The following IL1R1 variants were observed in gnomAD, a reference collection of about 807,000 sequenced individuals.
IL1R1 encodes interleukin 1 receptor type 1, also known as interleukin-1 receptor type 1.
IL1R1 carries 22 observed loss-of-function variants against 50.2 expected under a neutral mutation model. The ratio of observed to expected loss-of-function variants is 0.44; its 90% CI spans 0.31 to 0.63. The LOEUF is 0.63. Among genes scored for constraint, IL1R1 ranks in the 20% least tolerant of loss-of-function variants. The pLI is 0.07. For missense variants in IL1R1, 509 were observed against 676.2 expected (o/e 0.75, Z 2.74); for synonymous variants, 251 against 236.7 (o/e 1.06, Z -0.55).
intron 1 of IL1R1, among the ~76,000 whole-genome samples, chr2:102,121,754 A>G (rs1681420150): frequency 6.6e-6 from 1 of 152,164 alleles, no homozygotes; most frequent in East Asian, 1.9e-4. Flanking sequence ...TGAAATTAGG[A>G]TGCATCTTGC....
intron 6 of IL1R1, among the ~76,000 whole-genome samples, chr2:102,168,271 C>T (rs1481928925): frequency 6.6e-6 from 1 of 152,140 alleles, no homozygotes; most frequent in Non-Finnish European, 1.5e-5. Context: ...AGTGACTTTC[C>T]ACTACTCTCG....
intron 1 of IL1R1, among the ~76,000 whole-genome samples, chr2:102,115,512 A>G (rs1364278278): frequency 6.6e-6 from 1 of 152,234 alleles, no homozygotes; most frequent in African/African-American, 2.4e-5. Flanking sequence ...TTTTAAGCTT[A>G]TTAACTGAAC....
At chr2:102,093,988 C>T (rs1180191477) in intron 1 of IL1R1, among the ~76,000 whole-genome samples, 4 of 152,212 alleles carry the variant, frequency 2.6e-5, no homozygotes, top group Non-Finnish European at 5.9e-5. Context: ...AGAAATACAC[C>T]ATGATCTGCC....
intron 1 of IL1R1, among the ~76,000 whole-genome samples, chr2:102,127,560 C>T (rs1681784280): frequency 6.6e-6 from 1 of 151,822 alleles, no homozygotes; most frequent in Non-Finnish European, 1.5e-5. Context: ...AGTTAATTAA[C>T]AAGAACAAGA....
intron 2 of IL1R1, among the ~76,000 whole-genome samples, chr2:102,155,186 G>A (rs1292532726): frequency 6.6e-6 from 1 of 152,246 alleles, no homozygotes; most frequent in Non-Finnish European, 1.5e-5. Flanking sequence ...ATCAGAGCAT[G>A]GGCCGGTTTC....
chr2:102,095,981 G>A (rs1007790599), intron 1 of IL1R1, among the ~76,000 whole-genome samples: 7 of 152,014 alleles, frequency 4.6e-5, no homozygotes, highest in East Asian at 1.9e-4. Flanking sequence ...CCAGCCTGGC[G>A]ATATAGCCAG....
At chr2:102,142,669 G>A (rs937291268), upstream of IL1R1, 2 of 151,578 alleles carry the variant, frequency 1.3e-5, no homozygotes, top group Non-Finnish European at 3.0e-5. Context: ...CGCAGCCCGC[G>A]GACTGGCCCA....
intron 1 of IL1R1, among the ~76,000 whole-genome samples, chr2:102,143,657 A>G (rs1172373282): frequency 2.0e-5 from 3 of 152,134 alleles, no homozygotes; most frequent in East Asian, 1.9e-4. Flanking sequence ...TTGGAGGATG[A>G]TGTCCTGAAG....
chr2:102,077,308 T>C (rs1679012179), intron 1 of IL1R1, among the ~76,000 whole-genome samples: 1 of 152,154 alleles, frequency 6.6e-6, no homozygotes. Context: ...TGACCTCAGG[T>C]GATCCACCCA....
At chr2:102,089,140 C>A (rs1481025860) in intron 1 of IL1R1, among the ~76,000 whole-genome samples, 1 of 152,180 alleles carries the variant, frequency 6.6e-6, no homozygotes, top group Non-Finnish European at 1.5e-5. Flanking sequence ...ACTTTTCTAA[C>A]CATCTGGTGC....
In IL1R1 at chr2:102,164,895, C is replaced by A; in HGVS notation, c.183C>A (p.Asp61Glu). 6.2e-7 allele frequency: 1 copy of A among 1,614,060 alleles called. No homozygotes were observed. The highest frequency in any genetic ancestry group is 8.5e-7 in the Non-Finnish European group (1 of 1,179,960). Residue 61 changes from aspartate (D) to glutamate (E), a missense_variant, in exon 4 of 12, where the codon GAC becomes GAA. Coordinates refer to ENST00000410023, the MANE Select transcript of IL1R1 (RefSeq NM_000877.4). The part of the protein sequence containing the change: ...HKGTITWYKD[D>E]SKTPVSTEQA... ...GCACTATAACTTGGTATAAAGATGA[C>A]AGCAAGACACCTGTATCTACAGAAC...
chr2:102,150,540 G>A (rs1192493853), intron 1 of IL1R1, among the ~76,000 whole-genome samples: 2 of 152,162 alleles, frequency 1.3e-5, no homozygotes, highest in Non-Finnish European at 2.9e-5. Flanking sequence ...TGTGTTGCAC[G>A]TGCTGCTGTA....
At chr2:102,164,313 G>A (rs1684980610) in intron 3 of IL1R1, among the ~76,000 whole-genome samples, 1 of 152,066 alleles carries the variant, frequency 6.6e-6, no homozygotes, top group Admixed American at 6.5e-5. Context: ...GCAATGTCAT[G>A]GCCTAGCTGT....
intron 1 of IL1R1, among the ~76,000 whole-genome samples, chr2:102,110,507 C>T (rs1680696639): frequency 1.4e-5 from 2 of 143,662 alleles, no homozygotes. Context: ...ATGTGCTCGT[C>T]AACAGTGCCT....
Position 102,165,254 on chromosome 2 carries a change from G to A in IL1R1, c.436G>A (p.Glu146Lys), listed in dbSNP as rs755609767. Residue 146 changes from glutamate to lysine, a missense_variant, in exon 5 of 12, where the codon GAG (glutamate) becomes AAG (lysine). By Grantham distance (56) the Glu-to-Lys change is moderately conservative. Coordinates refer to ENST00000410023, the MANE Select transcript of IL1R1 (RefSeq NM_000877.4). Reference protein sequence around the residue: ...GDGGLVCPYMEFFKNENNELP... With the variant: ...GDGGLVCPYMKFFKNENNELP... ...CGGAGGACTTGTGTGCCCTTATATG[G>A]AGTTTTTTAAAAATGAAAATAATGA... The A allele has an allele frequency of 6.3e-7, 1 of 1,588,588 alleles. No individual in the cohort carries two copies. The highest frequency in any genetic ancestry group is 8.5e-7 in the Non-Finnish European group (1 of 1,172,880).
At chr2:102,118,935 A>C (rs1021312611) in intron 1 of IL1R1, among the ~76,000 whole-genome samples, 1 of 143,830 alleles carries the variant, frequency 7.0e-6, no homozygotes, top group African/African-American at 2.5e-5. Context: ...GGAGAATGGT[A>C]TGAACCTGGG....
At chr2:102,131,024 A>G (rs1192025713) in intron 1 of IL1R1, among the ~76,000 whole-genome samples, 1 of 152,188 alleles carries the variant, frequency 6.6e-6, no homozygotes, top group African/African-American at 2.4e-5. Flanking sequence ...AGTCAGTGAG[A>G]AGACTACCCA....
At chr2:102,149,512 C>T (rs1683464043) in intron 1 of IL1R1, among the ~76,000 whole-genome samples, 1 of 152,176 alleles carries the variant, frequency 6.6e-6, no homozygotes, top group Admixed American at 6.5e-5. Context: ...CTCAGCATGG[C>T]AAGAAGTGTG....
chr2:102,073,459 T>C (rs769443464), intron 1 of IL1R1, among the ~76,000 whole-genome samples: 3 of 152,210 alleles, frequency 2.0e-5, no homozygotes, highest in Non-Finnish European at 4.4e-5. Flanking sequence ...CATTTGCCTC[T>C]GAAAAATCTC....
Sources: allele counts gnomAD v4.1 joint callset (sites outside exome capture counted in the v4.1 genomes callset), GRCh38; gene constraint gnomAD v4.1.1; transcripts MANE v1.5; gene names NCBI Gene and HGNC (gene_info 2026-07-23, HGNC 2026-07-21).